PALS1: variants seen among roughly 807,000 people sequenced by gnomAD.
The protein encoded by PALS1 is protein PALS1.
A neutral mutation model predicts 78.9 loss-of-function variants in PALS1; 31 were observed. The ratio of observed to expected loss-of-function variants is 0.39; its 90% CI spans 0.30 to 0.53. The LOEUF (loss-of-function observed/expected upper bound fraction) is 0.53, where lower values mean the gene tolerates loss of function less well. Ranked by LOEUF, PALS1 falls within the 20% of genes least tolerant of loss-of-function variation. The pLI is 0.67. For missense variants in PALS1, 704 were observed against 826.5 expected, an observed-to-expected ratio of 0.85 and a Z score of 1.82; for synonymous variants, 276 against 270.9, an observed-to-expected ratio of 1.02 and a Z score of -0.18.
chr14:67,242,105 C>G (rs1350226616), intron 1 of PALS1: 1 of 152,218 alleles, frequency 6.6e-6, no homozygotes, highest in Non-Finnish European at 1.5e-5. Context: ...GCACGTTGAA[C>G]TTTGAAGCAT....
rs541759851 is a variant in PALS1 at position 67,279,431 on chromosome 14, T to C, written c.261T>C (p.Leu87=). The C allele has an allele frequency of 2.5e-6, 4 of 1,613,878 alleles. No individual in the cohort carries two copies. The highest frequency in any genetic ancestry group is 2.5e-6 in the Non-Finnish European group (3 of 1,179,916). ...TTGACCTTAATTCTTCCATGAGACT[T>C]AAGAAACTAGCCCAAATTCCTCCAA... The part of the protein sequence containing the change: ...QELDLNSSMR[L]KKLAQIPPKT... Residue 87 remains leucine, a synonymous_variant, in exon 3 of 15, where the codon CTT becomes CTC. Transcript: ENST00000261681.
Position 67,321,191 on chromosome 14 carries a change from A to G in PALS1, c.1672A>G (p.Thr558Ala), listed in dbSNP as rs1242240909. 6.2e-7 allele frequency: 1 copy of G among 1,614,236 alleles called. No individual in the cohort carries two copies. Among genetic ancestry groups the G allele is most frequent in the Non-Finnish European group, 8.5e-7 (1 of 1,180,032 alleles). Residue 558 changes from threonine (T) to alanine (A), a missense_variant, in exon 13 of 15, where the codon ACT becomes GCT. Transcript: ENST00000261681. ...HGEFEKNLYG[T>A]SIDSVRQVIN... ...TGAATTTGAGAAGAATTTGTATGGA[A>G]CTAGCATAGATTCTGTACGGCAAGT...
intron 1 of PALS1, 114 bp downstream of exon 1, chr14:67,241,647 A>G (rs1845241196): frequency 6.6e-6 from 1 of 152,438 alleles, no homozygotes; most frequent in South Asian, 2.1e-4. Flanking sequence ...ACGCTGCGCA[A>G]ACTCCGGCCA....
At chr14:67,263,171 T>C (rs553902492) in intron 1 of PALS1, among the ~76,000 whole-genome samples, 1 of 152,256 alleles carries the variant, frequency 6.6e-6, no homozygotes, top group Admixed American at 6.5e-5. Flanking sequence ...TTTCTGTTGA[T>C]GAAAAATGAA....
rs568869509 is a variant in PALS1 at position 67,273,680 on chromosome 14, T to G, written c.-154+3897T>G. ...GTCAAATGGTATTTCTAGTTCTAGA[T>G]CTCTGAGGAATTGCCATACTGTCTT... On this transcript the variant is annotated intron_variant, in intron 2 of 14. Coordinates refer to ENST00000261681, the MANE Select transcript of PALS1 (RefSeq NM_022474.4). Among the ~76,000 whole-genome samples, 6 of 152,310 alleles carry G rather than the reference T, an allele frequency of 3.9e-5. No homozygotes were observed. In the South Asian group the frequency reaches 1.2e-3, roughly 32 times the overall value.
rs148344083 is a variant in PALS1 at position 67,242,886 on chromosome 14, T to C, written c.-237+1353T>C. ...ATTAACATTAATTTGTTTTAGAATG[T>C]TAAAACGGGAGAGAATATATAAGTT... On this transcript the variant is annotated intron_variant, in intron 1 of 14. Coordinates refer to ENST00000261681, the MANE Select transcript of PALS1 (RefSeq NM_022474.4). 3.3e-5 allele frequency among the ~76,000 whole-genome samples: 5 copies of C among 152,292 alleles called. No homozygotes were observed. The East Asian group carries it at 9.6e-4, about 29-fold the overall frequency.
intron 1 of PALS1, among the ~76,000 whole-genome samples, chr14:67,259,512 T>C (rs564741377): frequency 6.6e-6 from 1 of 152,184 alleles, no homozygotes; most frequent in Admixed American, 6.5e-5. Context: ...CTCAGGAGGC[T>C]GAGGCAGGAG....
At chr14:67,250,652 C>A (rs750109006) in intron 1 of PALS1, among the ~76,000 whole-genome samples, 1 of 152,242 alleles carries the variant, frequency 6.6e-6, no homozygotes, top group Non-Finnish European at 1.5e-5. Context: ...ACCCCAGATA[C>A]AGGTCTCTGA....
At chr14:67,288,082 C>T (rs1475713526) in intron 3 of PALS1, among the ~76,000 whole-genome samples, 3 of 151,842 alleles carry the variant, frequency 2.0e-5, no homozygotes, top group Non-Finnish European at 4.4e-5. Flanking sequence ...CTGGGGTCTC[C>T]CTTTTTTTTT....
chr14:67,247,414 T>G (rs914402157), intron 1 of PALS1, among the ~76,000 whole-genome samples: 26 of 152,154 alleles, frequency 1.7e-4, no homozygotes, highest in Middle Eastern at 3.2e-3. Flanking sequence ...CTTTTTTATT[T>G]TAGTAATTTT....
chr14:67,298,862 C>T (rs1369298303), intron 4 of PALS1, among the ~76,000 whole-genome samples: 1 of 152,170 alleles, frequency 6.6e-6, no homozygotes, highest in East Asian at 1.9e-4. Context: ...TGAATATCCA[C>T]TGATTTGCTT....
intron 4 of PALS1, among the ~76,000 whole-genome samples, chr14:67,295,782 A>G (rs1043717713): frequency 5.3e-5 from 8 of 152,334 alleles, no homozygotes; most frequent in Non-Finnish European, 1.0e-4. Flanking sequence ...TGATACTACC[A>G]CTTTGGAAAA....
chr14:67,311,122 G>A (rs958819619), intron 8 of PALS1, among the ~76,000 whole-genome samples: 1 of 152,028 alleles, frequency 6.6e-6, no homozygotes, highest in Non-Finnish European at 1.5e-5. Context: ...GACCAGTGTG[G>A]CCAACTGGCG....
intron 1 of PALS1, among the ~76,000 whole-genome samples, chr14:67,268,790 A>G (rs1456356293): frequency 6.6e-6 from 1 of 152,150 alleles, no homozygotes; most frequent in African/African-American, 2.4e-5. Context: ...CTGACCTCCT[A>G]TCTCATCCTG....
chr14:67,335,413 A>AAAT lies in PALS1; in HGVS notation c.*2458_*2460dup, dbSNP rs1305053740. 1 of 152,272 alleles carries AAAT rather than the reference A, an allele frequency of 6.6e-6. No homozygotes were observed. The highest frequency in any genetic ancestry group is 1.5e-5 in the Non-Finnish European group (1 of 68,042). 9.4% of individuals were successfully genotyped at this position (152,272 alleles called of 1,614,324 possible). ...GGGGAGGTCTTACCATTTAATATAG[A>AAAT]AATGATATCAATAACTAATGCTATG... On this transcript the variant is annotated 3_prime_UTR_variant, in exon 15 of 15. Coordinates refer to ENST00000261681, the MANE Select transcript of PALS1 (RefSeq NM_022474.4).
At chr14:67,245,210 A>T (rs1445954878) in intron 1 of PALS1, among the ~76,000 whole-genome samples, 1 of 152,250 alleles carries the variant, frequency 6.6e-6, no homozygotes, top group East Asian at 1.9e-4. Context: ...ACATTGGCAT[A>T]GGAAACTAAT....
rs528547021 is a variant in PALS1, at chr14:67,286,839, G to A, written c.368-5672G>A. Among the ~76,000 whole-genome samples the A allele has an allele frequency of 3.7e-5, 5 of 136,698 alleles. No individual in the cohort carries two copies. The South Asian group carries it at 7.2e-4, about 20-fold the overall frequency. The allele number at this position is 136,698 out of a possible 152,430, so 89.7% of individuals were successfully genotyped here. ...GCCACTGCACTCCAGCGTGGTGACAGAGTGAGACCTGGTCTCAAAAAAAAA... is the reference window on the plus strand; with the variant it reads ...GCCACTGCACTCCAGCGTGGTGACAAAGTGAGACCTGGTCTCAAAAAAAAA... On this transcript the variant is annotated intron_variant, in intron 3 of 14. Coordinates refer to ENST00000261681, the MANE Select transcript of PALS1 (RefSeq NM_022474.4).
intron 1 of PALS1, among the ~76,000 whole-genome samples, chr14:67,242,634 T>G (rs1375197919): frequency 1.3e-5 from 2 of 152,198 alleles, no homozygotes; most frequent in South Asian, 2.1e-4. Flanking sequence ...ACGATTTTTT[T>G]TTTTTACTAG....
intron 4 of PALS1, among the ~76,000 whole-genome samples, chr14:67,297,532 T>G (rs1369762234): frequency 6.6e-6 from 1 of 152,196 alleles, no homozygotes; most frequent in Non-Finnish European, 1.5e-5. Context: ...ACTGAAGAAT[T>G]TTAAACAGAT....
Sources: gnomAD v4.1 joint callset for allele counts (sites outside exome capture counted in the v4.1 genomes callset) on GRCh38, gnomAD v4.1.1 for gene constraint, MANE v1.5 for transcripts, NCBI Gene and HGNC (gene_info 2026-07-23, HGNC 2026-07-21) for gene names.